ZDHHC21: variants seen among roughly 807,000 people sequenced by gnomAD.
ZDHHC21 encodes the protein zDHHC palmitoyltransferase 21, also known as palmitoyltransferase ZDHHC21.
Under a neutral mutation model 34.6 loss-of-function variants are expected in ZDHHC21, and 15 were observed. The ratio of observed to expected loss-of-function variants is 0.43; its 90% CI spans 0.29 to 0.67. ZDHHC21 has a LOEUF of 0.67. Ranked by LOEUF, ZDHHC21 falls within the 30% of genes least tolerant of loss-of-function variation. ZDHHC21 has a pLI of 0.14. For synonymous variants in ZDHHC21, 142 were observed against 101.8 expected (o/e 1.40, Z -2.38); for missense variants, 344 against 327.7 (o/e 1.05, Z -0.38).
intron 5 of ZDHHC21, among the ~76,000 whole-genome samples, chr9:14,663,861 T>C (rs143950636): frequency 2.5e-3 from 382 of 152,336 alleles, no homozygotes; most frequent in African/African-American, 8.2e-3. Context: ...ATAGTTAAAC[T>C]AGTACTATTT....
chr9:14,613,390 A>G lies in ZDHHC21; in HGVS notation c.*5576T>C, dbSNP rs1823651198. On this transcript the variant is annotated 3_prime_UTR_variant, in exon 10 of 10. Coordinates refer to ENST00000380916, the MANE Select transcript of ZDHHC21 (RefSeq NM_178566.6). ...ATAGTTGTTGAGGTTATAAAACACG[A>G]ACTTCAGGCACCAGTAGGTTAAAAT... The G allele has an allele frequency of 6.6e-6, 1 of 151,868 alleles. No homozygotes were observed. The highest frequency in any genetic ancestry group is 6.6e-5 in the Admixed American group (1 of 15,192). 9.4% of individuals were successfully genotyped at this position (151,868 alleles called of 1,614,324 possible).
At chr9:14,668,256 C>T (rs201299935) in intron 5 of ZDHHC21, among the ~76,000 whole-genome samples, 2 of 137,800 alleles carry the variant, frequency 1.5e-5, no homozygotes, top group African/African-American at 5.5e-5. Context: ...TCACAATTGC[C>T]TCAAAGAGAA....
chr9:14,616,623 T>C lies in ZDHHC21; in HGVS notation c.*2343A>G, dbSNP rs1027405197. The C allele has an allele frequency of 1.3e-5, 2 of 151,828 alleles. No homozygotes were observed. The highest frequency in any genetic ancestry group is 4.8e-5 in the African/African-American group (2 of 41,418). The allele number at this position is 151,828 out of a possible 1,614,324, so 9.4% of individuals were successfully genotyped here. ...TGCTTAGCAAACTGCCAGTTGGTTTTTCTCTAGTAGTCTAATAAGAATTAA... is the reference window on the plus strand; with the variant it reads ...TGCTTAGCAAACTGCCAGTTGGTTTCTCTCTAGTAGTCTAATAAGAATTAA... On this transcript the variant is annotated 3_prime_UTR_variant, in exon 10 of 10. Coordinates refer to ENST00000380916, the MANE Select transcript of ZDHHC21 (RefSeq NM_178566.6).
rs146186133 is a variant in ZDHHC21 at position 14,622,408 on chromosome 9, G to A, written c.622-2726C>T. On this transcript the variant is annotated intron_variant, in intron 8 of 9. Transcript: ENST00000380916. ...TAAGTAGTAAAATTATACCTGGAAT[G>A]GGGGGGCGGGGAAGTTCCTAAGAGA... The A allele has an allele frequency of 5.8e-5, 19 of 324,846 alleles. No individual in the cohort carries two copies. In the East Asian group the frequency reaches 3.1e-3, roughly 53 times the overall value. The allele number at this position is 324,846 out of a possible 1,614,324, so 20.1% of individuals were successfully genotyped here.
At chr9:14,652,124 C>CA (rs1366741027) in intron 7 of ZDHHC21, among the ~76,000 whole-genome samples, 2 of 151,798 alleles carry the variant, frequency 1.3e-5, no homozygotes, top group Non-Finnish European at 2.9e-5. Context: ...GTGATTCTAA[C>CA]AAAAAATGTT....
At position 14,663,165 on chromosome 9, in the gene ZDHHC21, G is replaced by C. The variant is rs147989918; in HGVS notation, c.254-839C>G. Among the ~76,000 whole-genome samples, 777 of 152,188 alleles carry C rather than the reference G, an allele frequency of 5.1e-3. 1 individual carries two copies. The highest frequency in any genetic ancestry group is 8.4e-3 in the Non-Finnish European group (568 of 67,986). ...AAACTATGGAAGAGTCATCTTCCTA[G>C]AAAAGACAATTGCCTTATTATACAA... On this transcript the variant is annotated intron_variant, in intron 5 of 9. Transcript: ENST00000380916.
chr9:14,605,229 A>G, the ZDHHC21 span, among the ~76,000 whole-genome samples: 2 of 151,328 alleles, frequency 1.3e-5, no homozygotes, highest in Non-Finnish European at 2.9e-5. Flanking sequence ...AATATCCAGA[A>G]GTGGGAATCC....
At chr9:14,630,596 CT>C (rs916959328) in intron 8 of ZDHHC21, among the ~76,000 whole-genome samples, 9 of 152,202 alleles carry the variant, frequency 5.9e-5, no homozygotes, top group Admixed American at 5.2e-4. Flanking sequence ...TTTCAATGTA[CT>C]TTCTCCAGAT....
intron 7 of ZDHHC21, among the ~76,000 whole-genome samples, chr9:14,657,591 A>T (rs1048311514): frequency 6.6e-6 from 1 of 152,170 alleles, no homozygotes; most frequent in African/African-American, 2.4e-5. Context: ...TTCTGCTCTT[A>T]TAAAACAAAA....
At chr9:14,607,100 A>T (rs1823036310), downstream of ZDHHC21, among the ~76,000 whole-genome samples, 1 of 149,576 alleles carries the variant, frequency 6.7e-6, no homozygotes, top group Non-Finnish European at 1.5e-5. Context: ...AAAAAAAAAA[A>T]TCTACATGAT....
Position 14,618,733 on chromosome 9 carries a change from C to T in ZDHHC21, c.*233G>A. 2.7e-6 allele frequency: 1 copy of T among 368,454 alleles called. No homozygotes were observed. Among genetic ancestry groups the T allele is most frequent in the Non-Finnish European group, 4.7e-6 (1 of 210,940 alleles). 22.8% of individuals were successfully genotyped at this position (368,454 alleles called of 1,614,324 possible). A position where few individuals can be genotyped will look rare whatever the true frequency, so the allele number is the denominator to read the frequency against. On this transcript the variant is annotated 3_prime_UTR_variant, in exon 10 of 10. Coordinates refer to ENST00000380916, the MANE Select transcript of ZDHHC21 (RefSeq NM_178566.6). ...TAATAACAAAAGCATTTCAAGAAAT[C>T]CCTGTGGAAAGCTAATTTGAAAGTA...
chr9:14,639,580 T>C (rs1828950392), intron 8 of ZDHHC21, among the ~76,000 whole-genome samples: 1 of 152,110 alleles, frequency 6.6e-6, no homozygotes, highest in African/African-American at 2.4e-5. Context: ...GATCATTATA[T>C]ATTATATGCA....
chr9:14,661,750 T>C (rs899683907), intron 6 of ZDHHC21, among the ~76,000 whole-genome samples: 1 of 152,170 alleles, frequency 6.6e-6, no homozygotes, highest in East Asian at 1.9e-4. Flanking sequence ...CTATATCCAA[T>C]ACATAATGCT....
intron 8 of ZDHHC21, among the ~76,000 whole-genome samples, chr9:14,626,280 T>C (rs936862492): frequency 2.6e-5 from 4 of 152,004 alleles, no homozygotes; most frequent in Non-Finnish European, 5.9e-5. Context: ...TAAGATTTAC[T>C]GCTTTCTGCA....
chr9:14,643,377 T>C (rs570904750), intron 7 of ZDHHC21, among the ~76,000 whole-genome samples: 8 of 152,316 alleles, frequency 5.3e-5, no homozygotes, highest in African/African-American at 1.9e-4. Flanking sequence ...ACCCCTACCC[T>C]AAAGGTAAAG....
chr9:14,594,502 A>T, the ZDHHC21 span, among the ~76,000 whole-genome samples: 1 of 152,200 alleles, frequency 6.6e-6, no homozygotes, highest in African/African-American at 2.4e-5. Flanking sequence ...GATTATCTAT[A>T]TGTAACGAAA....
At chr9:14,640,519 T>C (rs545970483) in intron 7 of ZDHHC21, among the ~76,000 whole-genome samples, 1 of 152,260 alleles carries the variant, frequency 6.6e-6, no homozygotes, top group African/African-American at 2.4e-5. Context: ...TCATATATAA[T>C]AGGATCATAA....
At chr9:14,631,766 A>G (rs915920028) in intron 8 of ZDHHC21, among the ~76,000 whole-genome samples, 1 of 152,194 alleles carries the variant, frequency 6.6e-6, no homozygotes, top group Non-Finnish European at 1.5e-5. Context: ...GAAGAGAGAT[A>G]GAGGAATGGC....
At chr9:14,663,383 A>C (rs574085536) in intron 5 of ZDHHC21, among the ~76,000 whole-genome samples, 1 of 152,196 alleles carries the variant, frequency 6.6e-6, no homozygotes, top group East Asian at 1.9e-4. Flanking sequence ...GTAGTCACTA[A>C]ATGCTTGCTG....
Sources: allele counts gnomAD v4.1 joint callset (sites outside exome capture counted in the v4.1 genomes callset), GRCh38; gene constraint gnomAD v4.1.1; transcripts MANE v1.5; gene names NCBI Gene and HGNC (gene_info 2026-07-23, HGNC 2026-07-21).